Variants in UHRF1 observed in about 807,000 individuals in gnomAD.
UHRF1 encodes E3 ubiquitin-protein ligase UHRF1.
A neutral mutation model predicts 96.5 loss-of-function variants in UHRF1; 9 were observed. That is an observed-to-expected ratio of 0.09 (90% CI 0.06 to 0.16). UHRF1 has a LOEUF of 0.16. Among genes scored for constraint, UHRF1 ranks in the 10% least tolerant of loss-of-function variants. The pLI, the probability that UHRF1 is intolerant of heterozygous loss-of-function variation, is 1.00. For synonymous variants in UHRF1, 455 were observed against 469.9 expected (o/e 0.97, Z 0.41); for missense variants, 626 against 1,131.1 (o/e 0.55, Z 6.40).
chr19:4,942,024 G>C (rs1355506633), intron 7 of UHRF1, 93 bp downstream of exon 7: 5 of 1,319,122 alleles, frequency 3.8e-6, no homozygotes, highest in Middle Eastern at 2.0e-4. Flanking sequence ...GGGCAGGCGC[G>C]GGGGCTCACG....
At position 4,954,436 on chromosome 19, in the gene UHRF1, G is replaced by A. The variant is rs17878253; in HGVS notation, c.1905G>A (p.Gly635=). Residue 635 remains glycine, a synonymous_variant, in exon 14 of 17, where the codon GGG becomes GGA. Transcript: ENST00000650932. This position sits in a 1 kb window ranked among gnomAD's most constrained non-coding sequence, Gnocchi z 5.9. ...SKREEEEQQE[G]GFASPRTGKG... ...GGGAGGAGGAGGAGCAGCAGGAGGG[G>A]GGCTTCGCGTCCCCCAGGACGGGCA... 1.9e-6 allele frequency: 3 copies of A among 1,613,746 alleles called. No homozygotes were observed. In the South Asian group the frequency reaches 3.3e-5, roughly 18 times the overall value.
At chr19:4,927,524 G>C (rs2032912436) in intron 2 of UHRF1, among the ~76,000 whole-genome samples, 1 of 152,134 alleles carries the variant, frequency 6.6e-6, no homozygotes, top group Non-Finnish European at 1.5e-5. Context: ...GTTTGCATTT[G>C]AACAGCCGTC....
rs558356984 is a variant in UHRF1, at chr19:4,961,923, T to G, written c.*1120T>G. On this transcript the variant is annotated 3_prime_UTR_variant, in exon 17 of 17. Transcript: ENST00000650932. The stretch of plus-strand genomic sequence containing the variant: ...TCTTTTGAAAGGGTTTGTTAATTTT[T>G]CTAATTTTACCAAAGTTTGCAGCCT... 11 of 150,916 alleles carry G rather than the reference T, an allele frequency of 7.3e-5. No homozygotes were observed. The highest frequency in any genetic ancestry group is 2.7e-4 in the African/African-American group (11 of 41,468). The allele number at this position is 150,916 out of a possible 1,614,324, so 9.3% of individuals were successfully genotyped here.
In UHRF1 at chr19:4,917,594, C is replaced by T. The variant is rs187992803; in HGVS notation, c.153+6556C>T. On this transcript the variant is annotated intron_variant, in intron 2 of 16. Transcript: ENST00000650932. The stretch of plus-strand genomic sequence containing the variant: ...GCTGGAACCCAGGAGGTGGAGGTTG[C>T]AGTGAGCCGAGATCACGCCACTGCA... 1.8e-4 allele frequency among the ~76,000 whole-genome samples: 24 copies of T among 134,236 alleles called. 1 individual carries two copies. The highest frequency in any genetic ancestry group is 6.6e-4 in the African/African-American group (23 of 34,790). 88.1% of individuals were successfully genotyped at this position (134,236 alleles called of 152,430 possible). A position where few individuals can be genotyped will look rare whatever the true frequency, so the allele number is the denominator to read the frequency against.
upstream of UHRF1, among the ~76,000 whole-genome samples, chr19:4,907,522 G>A (rs771128415): frequency 6.6e-6 from 1 of 151,848 alleles, no homozygotes. Context: ...TGCCTGCCTC[G>A]GCCTCCCAAA....
rs376042552 is a variant in UHRF1 at position 4,956,697 on chromosome 19, G to A, written c.2131-12G>A. 483 of 1,591,922 alleles carry A rather than the reference G, an allele frequency of 3.0e-4. No individual in the cohort carries two copies. The highest frequency in any genetic ancestry group is 3.6e-4 in the Non-Finnish European group (422 of 1,164,496). ...CGGTGTCTTTGCCGGCCTCACACCC[G>A]CTTCCCTCTAGTTCCAGTTGTTCCT... is the stretch of plus-strand genomic sequence containing the variant. On this transcript the variant is annotated splice_polypyrimidine_tract_variant and intron_variant, in intron 15 of 16. Coordinates refer to ENST00000650932, the MANE Select transcript of UHRF1 (RefSeq NM_001048201.3).
chr19:4,904,419 T>C (rs1187475192), intron 1 of UHRF1, among the ~76,000 whole-genome samples: 1 of 152,184 alleles, frequency 6.6e-6, no homozygotes, highest in African/African-American at 2.4e-5. Flanking sequence ...GACCTCGTGA[T>C]CCGCCCACCT....
chr19:4,926,272 G>A (rs1481322447), intron 2 of UHRF1, among the ~76,000 whole-genome samples: 1 of 152,174 alleles, frequency 6.6e-6, no homozygotes, highest in Non-Finnish European at 1.5e-5. Flanking sequence ...GTGAACCTGC[G>A]TGTACAGGTT....
intron 2 of UHRF1, among the ~76,000 whole-genome samples, chr19:4,914,155 C>A (rs532598908): frequency 6.6e-6 from 1 of 152,050 alleles, no homozygotes; most frequent in South Asian, 2.1e-4. Context: ...GAGATCGTGT[C>A]GTTGCTTCTG....
rs376987321 is a variant in UHRF1 at position 4,941,783 on chromosome 19, G to A, written c.925G>A (p.Val309Met). 191 of 1,569,988 alleles carry A rather than the reference G, an allele frequency of 1.2e-4. No individual in the cohort carries two copies. The highest frequency in any genetic ancestry group is 1.6e-4 in the Non-Finnish European group (181 of 1,158,162). The change falls in exon 7 of 17, where the codon GTG becomes ATG. Residue 309 changes from valine (V) to methionine (M), a missense_variant. This residue lies in a region of UHRF1 where 198 missense variants were observed against 235.1 expected (regional missense o/e 0.84). Coordinates refer to ENST00000650932, the MANE Select transcript of UHRF1 (RefSeq NM_001048201.3). ...GPSCKHCKDDVNRLCRVCACH... is the reference protein window; with the variant it reads ...GPSCKHCKDDMNRLCRVCACH... ...GTCCTGCAAGCACTGCAAGGACGAC[G>A]TGAACAGACTCTGCCGGGTCTGCGC...
At chr19:4,903,147 C>G in exon 1 of UHRF1, 1 of 323,410 alleles carries the variant, frequency 3.1e-6, no homozygotes, top group Non-Finnish European at 6.0e-6. Flanking sequence ...CTGCCTCAGC[C>G]TCCTGAGTAG....
chr19:4,945,552 C>G (rs978222560), intron 9 of UHRF1, among the ~76,000 whole-genome samples: 1 of 152,126 alleles, frequency 6.6e-6, no homozygotes, highest in Non-Finnish European at 1.5e-5. Context: ...AGCCACCGTG[C>G]CTGGCCGTCA....
chr19:4,943,727 T>G (rs1414044803), intron 7 of UHRF1, among the ~76,000 whole-genome samples: 2 of 152,126 alleles, frequency 1.3e-5, no homozygotes, highest in African/African-American at 4.8e-5. Flanking sequence ...CTCGGCTCAC[T>G]GCAACCTCTG....
Position 4,910,757 on chromosome 19 carries a change from A to G in UHRF1, c.-10-119A>G, listed in dbSNP as rs1018488877. The G allele has an allele frequency of 1.7e-5, 21 of 1,267,282 alleles. No individual in the cohort carries two copies. The African/African-American group carries it at 3.2e-4, about 19-fold the overall frequency. 78.5% of individuals were successfully genotyped at this position (1,267,282 alleles called of 1,614,324 possible). A position where few individuals can be genotyped will look rare whatever the true frequency, so the allele number is the denominator to read the frequency against. On this transcript the variant is annotated intron_variant, in intron 1 of 16. Coordinates refer to ENST00000650932, the MANE Select transcript of UHRF1 (RefSeq NM_001048201.3). ...GGCTGTACAGGAGGACTGGAAGGGC[A>G]TCCTGGGAGTTTCCTGGTGTCCACA...
intron 1 of UHRF1, 55 bp from the exon 2 acceptor site, chr19:4,910,821 A>G: frequency 6.5e-7 from 1 of 1,530,566 alleles, no homozygotes; most frequent in South Asian, 1.3e-5. Flanking sequence ...AGAGCATGGC[A>G]TGGCTCAGAG....
chr19:4,941,908 C>T lies in UHRF1; in HGVS notation c.1050C>T (p.Ser350=). 6.6e-7 allele frequency: 1 copy of T among 1,524,158 alleles called. No individual in the cohort carries two copies. The highest frequency in any genetic ancestry group is 8.8e-7 in the Non-Finnish European group (1 of 1,135,042). The allele number at this position is 1,524,158 out of a possible 1,614,324, so 94.4% of individuals were successfully genotyped here. The part of the protein sequence containing the change: ...FHIYCLDPPL[S]SVPSEDEWYC... ...TCTACTGCCTGGACCCGCCCCTCAG[C>T]AGTGTTCCCAGCGAGGACGAGTGGT... The change falls in exon 7 of 17, where the codon AGC becomes AGT. Residue 350 remains serine, a synonymous_variant. Coordinates refer to ENST00000650932, the MANE Select transcript of UHRF1 (RefSeq NM_001048201.3).
chr19:4,954,934 T>C lies in UHRF1; in HGVS notation c.2130+112T>C. 1 of 1,336,256 alleles carries C rather than the reference T, an allele frequency of 7.5e-7. No homozygotes were observed. The highest frequency in any genetic ancestry group is 1.4e-5 in the South Asian group (1 of 73,996). The allele number at this position is 1,336,256 out of a possible 1,614,324, so 82.8% of individuals were successfully genotyped here. On this transcript the variant is annotated intron_variant, in intron 15 of 16. Transcript: ENST00000650932. The surrounding 1 kb of genome is among the most constrained non-coding windows in gnomAD (Gnocchi z 5.9). Reference sequence around the variant, plus strand: ...AAGTGTACAGCTCAGTCGCACTGAGTACATTCTTGTGGTTGTGCAACCATC... The same window carrying C: ...AAGTGTACAGCTCAGTCGCACTGAGCACATTCTTGTGGTTGTGCAACCATC...
intron 5 of UHRF1, among the ~76,000 whole-genome samples, chr19:4,933,302 G>C (rs1599267981): frequency 3.9e-5 from 6 of 152,062 alleles, no homozygotes; most frequent in African/African-American, 1.4e-4. Flanking sequence ...TGCAAGCTCT[G>C]CCTCCTGGGT....
intron 4 of UHRF1, among the ~76,000 whole-genome samples, chr19:4,932,153 C>A (rs1047235213): frequency 2.0e-5 from 3 of 151,980 alleles, no homozygotes; most frequent in African/African-American, 4.8e-5. Context: ...CAACTTCCGA[C>A]CTCAGATGAT....
Sources: gnomAD v4.1 joint callset for allele counts (sites outside exome capture counted in the v4.1 genomes callset) on GRCh38, gnomAD v4.1.1 for gene constraint, gnomAD v4.1.1 regional missense constraint, Gnocchi (gnomAD v3.1) non-coding constraint, MANE v1.5 for transcripts, NCBI Gene and HGNC (gene_info 2026-07-23, HGNC 2026-07-21) for gene names.